Variants in RAD51C observed in about 807,000 individuals in gnomAD.
RAD51C encodes the protein RAD51 paralog C.
A neutral mutation model predicts 45.0 loss-of-function variants in RAD51C; 42 were observed. The ratio of observed to expected loss-of-function variants is 0.93; its 90% confidence interval spans 0.73 to 1.21. The LOEUF (loss-of-function observed/expected upper bound fraction) is 1.21, where lower values mean the gene tolerates loss of function less well. RAD51C is among the 50% of genes most tolerant of loss of function. The pLI is 0.00. For missense variants in RAD51C, 474 were observed against 452.2 expected (o/e 1.05, Z -0.44); for synonymous variants, 172 against 159.8 (o/e 1.08, Z -0.58).
At chr17:58,732,053 A>T (rs985773496) in intron 7 of RAD51C, among the ~76,000 whole-genome samples, 1 of 152,222 alleles carries the variant, frequency 6.6e-6, no homozygotes, top group African/African-American at 2.4e-5. Flanking sequence ...TTACCTTGTG[A>T]TAACAGCTTT....
Position 58,705,554 on chromosome 17 carries a change from G to T in RAD51C, c.705+2225G>T, listed in dbSNP as rs947437463. ...TCCCCATGTTGGCCAAGATGTTCTC[G>T]ATCTCCTGATCTTGTGATCCGCCCA... On this transcript the variant is annotated intron_variant, in intron 4 of 8. Coordinates refer to ENST00000337432, the MANE Select transcript of RAD51C (RefSeq NM_058216.3). Among the ~76,000 whole-genome samples, 13 of 152,148 alleles carry T rather than the reference G, an allele frequency of 8.5e-5. 1 individual carries two copies. The East Asian group carries it at 2.3e-3, about 27-fold the overall frequency.
At chr17:58,696,259 C>A (rs879678936) in intron 2 of RAD51C, among the ~76,000 whole-genome samples, 1 of 151,904 alleles carries the variant, frequency 6.6e-6, no homozygotes, top group Non-Finnish European at 1.5e-5. Flanking sequence ...GGTGAAACCC[C>A]GTTTCTACTA....
At chr17:58,700,088 C>T (rs1352131349) in intron 3 of RAD51C, 3 of 152,182 alleles carry the variant, frequency 2.0e-5, no homozygotes, top group Non-Finnish European at 4.4e-5. Context: ...AACTTCTGAC[C>T]TCAAGTGATC....
chr17:58,734,503 G>T lies in RAD51C; in HGVS notation c.*281G>T. The T allele has an allele frequency of 2.2e-6, 1 of 452,468 alleles. No individual in the cohort carries two copies. The highest frequency in any genetic ancestry group is 3.9e-6 in the Non-Finnish European group (1 of 255,396). The allele number at this position is 452,468 out of a possible 1,614,324, so 28.0% of individuals were successfully genotyped here. On this transcript the variant is annotated 3_prime_UTR_variant, in exon 9 of 9. Coordinates refer to ENST00000337432, the MANE Select transcript of RAD51C (RefSeq NM_058216.3). ...AAAGCTGATCTCATGTGGCCAGTCTGAATTTACCATTCATACTGTTTTCAC... is the reference window on the plus strand; with the variant it reads ...AAAGCTGATCTCATGTGGCCAGTCTTAATTTACCATTCATACTGTTTTCAC...
At chr17:58,692,856 T>C in intron 1 of RAD51C, 68 bp downstream of exon 1, 1 of 1,610,192 alleles carries the variant, frequency 6.2e-7, no homozygotes, top group Non-Finnish European at 8.5e-7. Context: ...CTTCGTTCTC[T>C]CGCCTCGGCC....
chr17:58,730,399 G>C (rs533105277), intron 7 of RAD51C, among the ~76,000 whole-genome samples: 1 of 146,466 alleles, frequency 6.8e-6, no homozygotes, highest in Non-Finnish European at 1.5e-5. Flanking sequence ...GGCTGGTCTT[G>C]AACTCCTGAC....
intron 7 of RAD51C, among the ~76,000 whole-genome samples, chr17:58,727,284 C>T (rs1219941424): frequency 6.6e-6 from 1 of 151,988 alleles, no homozygotes; most frequent in East Asian, 1.9e-4. Context: ...GCCACCACAC[C>T]TTGCTAATTT....
Position 58,692,602 on chromosome 17 carries a change from G to T in RAD51C, c.-42G>T, listed in dbSNP as rs1460932761. 3 of 1,612,312 alleles carry T rather than the reference G, an allele frequency of 1.9e-6. No individual in the cohort carries two copies. Among genetic ancestry groups the T allele is most frequent in the Non-Finnish European group, 2.5e-6 (3 of 1,179,888 alleles). ...TCACGCCGCACGCCCCAGCGAGGGC[G>T]TGCGGAGTTTGGCTGCTCCGGGGTT... On this transcript the variant is annotated 5_prime_UTR_variant, in exon 1 of 9. Coordinates refer to ENST00000337432, the MANE Select transcript of RAD51C (RefSeq NM_058216.3).
At chr17:58,703,149 A>G (rs2143795488) in intron 3 of RAD51C, 47 bp from the exon 4 acceptor site, 5 of 1,589,066 alleles carry the variant, frequency 3.1e-6, no homozygotes, top group Non-Finnish European at 4.3e-6. Flanking sequence ...ACAATTGCCA[A>G]TACATCCAAA....
At chr17:58,719,729 AT>A (rs35062854) in intron 5 of RAD51C, among the ~76,000 whole-genome samples, 296 of 135,694 alleles carry the variant, frequency 2.2e-3, no homozygotes, top group East Asian at 5.4e-3. Context: ...TGGATTTTTA[AT>A]TTTTTTTTTT....
chr17:58,696,875 A>C lies in RAD51C; in HGVS notation c.571+16A>C, dbSNP rs141621051. 6.2e-7 allele frequency: 1 copy of C among 1,613,274 alleles called. No individual in the cohort carries two copies. Among genetic ancestry groups the C allele is most frequent in the Non-Finnish European group, 8.5e-7 (1 of 1,179,234 alleles). On this transcript the variant is annotated intron_variant, in intron 3 of 8. Transcript: ENST00000337432. ...AAGGGAGAGGGTAAGTTAGTAAATG[A>C]TCTTCTTTTTTTCTGTATTAATAAA...
chr17:58,704,080 G>A (rs2048301807), intron 4 of RAD51C, among the ~76,000 whole-genome samples: 1 of 150,222 alleles, frequency 6.7e-6, no homozygotes, highest in Non-Finnish European at 1.5e-5. Flanking sequence ...AACATTATCA[G>A]TGACAAAGAT....
At chr17:58,719,335 C>T (rs1352649845) in intron 5 of RAD51C, among the ~76,000 whole-genome samples, 2 of 151,950 alleles carry the variant, frequency 1.3e-5, no homozygotes, top group African/African-American at 4.8e-5. Context: ...GCCTCAGCCT[C>T]CTGAGTAGCT....
chr17:58,703,865 G>C (rs1054229075), intron 4 of RAD51C, among the ~76,000 whole-genome samples: 1 of 151,286 alleles, frequency 6.6e-6, no homozygotes, highest in Non-Finnish European at 1.5e-5. Flanking sequence ...GAGCAGGCCT[G>C]AGGTGGGAGG....
chr17:58,696,945 T>A (rs2143751802), intron 3 of RAD51C, 86 bp downstream of exon 3: 4 of 1,443,952 alleles, frequency 2.8e-6, no homozygotes, highest in Non-Finnish European at 3.9e-6. Context: ...CAACACTCCA[T>A]TTGGAATGTG....
intron 7 of RAD51C, among the ~76,000 whole-genome samples, chr17:58,726,556 ATATACATATGTATATATGTG>A (rs1401928279): frequency 8.3e-6 from 1 of 121,196 alleles, no homozygotes; most frequent in African/African-American, 2.8e-5. Context: ...GTATAGATGT[ATATACATATGTATATATGTG>A]TATACATATA....
intron 6 of RAD51C, among the ~76,000 whole-genome samples, chr17:58,721,110 A>G (rs984792350): frequency 6.6e-6 from 1 of 152,092 alleles, no homozygotes; most frequent in African/African-American, 2.4e-5. Flanking sequence ...GTGAAACCCC[A>G]TCTCTACTAA....
intron 3 of RAD51C, 77 bp from the exon 4 acceptor site, chr17:58,703,119 T>G (rs370211296): frequency 1.3e-6 from 2 of 1,495,752 alleles, no homozygotes; most frequent in Admixed American, 1.7e-5. Context: ...CATTTTGTTA[T>G]TAAAAAGCAT....
intron 4 of RAD51C, among the ~76,000 whole-genome samples, chr17:58,708,851 A>T (rs1438045283): frequency 6.6e-6 from 1 of 151,718 alleles, no homozygotes; most frequent in Non-Finnish European, 1.5e-5. Flanking sequence ...TACAGATGTG[A>T]GCCACCGCGC....
Sources: gnomAD v4.1 joint callset for allele counts (sites outside exome capture counted in the v4.1 genomes callset) on GRCh38, gnomAD v4.1.1 for gene constraint, MANE v1.5 for transcripts, NCBI Gene and HGNC (gene_info 2026-07-23, HGNC 2026-07-21) for gene names.